The following STAC3 variants were observed in gnomAD, a reference collection of about 807,000 sequenced individuals.
STAC3 encodes SH3 and cysteine rich domain 3, also known as SH3 and cysteine-rich domain-containing protein 3.
A neutral mutation model predicts 48.5 loss-of-function variants in STAC3; 30 were observed. The ratio of observed to expected loss-of-function variants is 0.62; its 90% CI spans 0.46 to 0.84. The LOEUF (loss-of-function observed/expected upper bound fraction) is 0.84, where lower values mean the gene tolerates loss of function less well. Among genes scored for constraint, STAC3 ranks in the 40% least tolerant of loss-of-function variants. STAC3 has a pLI of 0.00. For synonymous variants in STAC3, 144 were observed against 158.6 expected, an observed-to-expected ratio of 0.91 and a Z score of 0.69; for missense variants, 419 against 462.6, an observed-to-expected ratio of 0.91 and a Z score of 0.86.
intron 5 of STAC3, among the ~76,000 whole-genome samples, chr12:57,247,428 ATTTTTTTT>A (rs367784960): frequency 8.7e-4 from 51 of 58,560 alleles, no homozygotes; most frequent in Admixed American, 4.4e-3. Context: ...TATTATTATT[ATTTTTTTT>A]TTTTTTTTTT....
chr12:57,250,415 A>T (rs1825304315), intron 1 of STAC3, among the ~76,000 whole-genome samples: 1 of 145,578 alleles, frequency 6.9e-6, no homozygotes. Context: ...AAAAAAAAAA[A>T]AGCCCAACAG....
intron 1 of STAC3, among the ~76,000 whole-genome samples, chr12:57,250,122 G>C (rs1339937639): frequency 1.3e-5 from 2 of 152,124 alleles, no homozygotes; most frequent in Non-Finnish European, 2.9e-5. Context: ...GGGTGTGGTG[G>C]TGCATGCCTG....
intron 5 of STAC3, among the ~76,000 whole-genome samples, chr12:57,247,428 A>ATTTTTTTTTTTTTTTTTT (rs367784960): frequency 1.7e-5 from 1 of 58,534 alleles, no homozygotes; most frequent in African/African-American, 5.6e-5. Flanking sequence ...TATTATTATT[A>ATTTTTTTTTTTTTTTTTT]TTTTTTTTTT....
At chr12:57,244,823 TAA>T (rs1265020717) in intron 8 of STAC3, 91 bp downstream of exon 8, 7 of 1,505,804 alleles carry the variant, frequency 4.6e-6, no homozygotes, top group Non-Finnish European at 6.5e-6. Context: ...GCCTAGGAGT[TAA>T]AGAGTGAGCT....
intron 8 of STAC3, 79 bp from the exon 9 acceptor site, chr12:57,244,701 C>A: frequency 6.5e-7 from 1 of 1,529,850 alleles, no homozygotes; most frequent in Non-Finnish European, 9.0e-7. Context: ...CAGGGACATT[C>A]ACCACACACT....
At chr12:57,249,342 A>C in intron 2 of STAC3, 34 bp from the exon 3 acceptor site, 1 of 1,545,718 alleles carries the variant, frequency 6.5e-7, no homozygotes, top group Non-Finnish European at 8.7e-7. Flanking sequence ...CCAATGTTAA[A>C]AGGACTTGTC....
chr12:57,243,873 A>G lies in STAC3; in HGVS notation c.1034T>C (p.Val345Ala). The change falls in exon 12 of 12, where the codon GTC becomes GCC. Residue 345 changes from valine to alanine, a missense_variant. Coordinates refer to ENST00000332782, the MANE Select transcript of STAC3 (RefSeq NM_145064.3). Reference sequence around the variant, plus strand: ...CACCTTGCGGCCGGTGTAGACCTTGACGTAGCCGCCCGCTTCGTCTCCTTT... The same window carrying G: ...CACCTTGCGGCCGGTGTAGACCTTGGCGTAGCCGCCCGCTTCGTCTCCTTT... Reference protein sequence around the residue: ...VQKGDEAGGYVKVYTGRKVGL... With the variant: ...VQKGDEAGGYAKVYTGRKVGL... 1 of 1,613,778 alleles carries G rather than the reference A, an allele frequency of 6.2e-7. No individual in the cohort carries two copies. The highest frequency in any genetic ancestry group is 8.5e-7 in the Non-Finnish European group (1 of 1,179,922).
chr12:57,248,183 G>C lies in STAC3; in HGVS notation c.448C>G (p.Arg150Gly), dbSNP rs754407055. 1 of 1,613,964 alleles carries C rather than the reference G, an allele frequency of 6.2e-7. No homozygotes were observed. Among genetic ancestry groups the C allele is most frequent in the Non-Finnish European group, 8.5e-7 (1 of 1,179,868 alleles). ...CFGKIPPGFHRAYSSPLYSNQ... is the reference protein window; with the variant it reads ...CFGKIPPGFHGAYSSPLYSNQ... ...CTGTAGAGTGGGGAACTATAGGCCC[G>C]ATGGAAACCAGGTGGCTGTAGGATG... The change falls in exon 5 of 12, where the codon CGG (arginine) becomes GGG (glycine). Residue 150 changes from arginine (R) to glycine (G), a missense_variant. Coordinates refer to ENST00000332782, the MANE Select transcript of STAC3 (RefSeq NM_145064.3).
intron 1 of STAC3, among the ~76,000 whole-genome samples, chr12:57,250,666 C>G (rs961605670): frequency 6.6e-6 from 1 of 152,188 alleles, no homozygotes; most frequent in African/African-American, 2.4e-5. Flanking sequence ...GAAGGATGGA[C>G]TGGAGACATT....
At chr12:57,246,682 G>T (rs1395934766) in intron 6 of STAC3, 122 bp downstream of exon 6, 1 of 903,450 alleles carries the variant, frequency 1.1e-6, no homozygotes. Flanking sequence ...CACCATGCCT[G>T]GCCGAGTTTT....
chr12:57,244,204 C>T lies in STAC3; in HGVS notation c.880G>A (p.Gly294Arg). ...WWRGKIGEKVGFFPPNFIIRV... is the reference protein window; with the variant it reads ...WWRGKIGEKVRFFPPNFIIRV... ...ATGATGAAGTTTGGAGGGAAAAATC[C>T]GACCTTCTCCCCGATTTTCCCCTAG... Residue 294 changes from glycine (G) to arginine (R), a missense_variant, in exon 11 of 12, where the codon GGA becomes AGA. Physicochemically the swap from Gly to Arg is moderately radical, Grantham distance 125. Coordinates refer to ENST00000332782, the MANE Select transcript of STAC3 (RefSeq NM_145064.3). 1 of 1,614,166 alleles carries T rather than the reference C, an allele frequency of 6.2e-7. No individual in the cohort carries two copies. Among genetic ancestry groups the T allele is most frequent in the Non-Finnish European group, 8.5e-7 (1 of 1,180,034 alleles).
Position 57,249,087 on chromosome 12 carries a change from G to T in STAC3, c.288C>A (p.Phe96Leu), listed in dbSNP as rs1456586694. 6.2e-7 allele frequency: 1 copy of T among 1,611,016 alleles called. No individual in the cohort carries two copies. Among genetic ancestry groups the T allele is most frequent in the Non-Finnish European group, 8.5e-7 (1 of 1,178,284 alleles). Residue 96 changes from phenylalanine to leucine, a missense_variant, in exon 3 of 12, where the codon TTC (phenylalanine) becomes TTA (leucine). Physicochemically the swap from Phe to Leu is conservative, Grantham distance 22. Coordinates refer to ENST00000332782, the MANE Select transcript of STAC3 (RefSeq NM_145064.3). ...NDKPHKFKDH[F>L]FKKPKFCDVC... ...CATCACAGAACTTTGGCTTCTTGAA[G>T]AAGTGATCTTTGAATTTGTGGGGCT... is the stretch of plus-strand genomic sequence containing the variant.
intron 2 of STAC3, 64 bp from the exon 3 acceptor site, chr12:57,249,372 G>A (rs2037845571): frequency 1.3e-6 from 2 of 1,524,908 alleles, no homozygotes; most frequent in Non-Finnish European, 8.8e-7. Context: ...AGAGTAGGGG[G>A]GCGCTAGAGC....
chr12:57,244,706 C>T, intron 8 of STAC3, 84 bp from the exon 9 acceptor site: 1 of 1,505,068 alleles, frequency 6.6e-7, no homozygotes, highest in East Asian at 2.3e-5. Flanking sequence ...ACATTCACCA[C>T]ACACTCTACA....
Position 57,248,185 on chromosome 12 carries a change from T to A in STAC3, c.446A>T (p.His149Leu), listed in dbSNP as rs1300902042. Reference sequence around the variant, plus strand: ...GTAGAGTGGGGAACTATAGGCCCGATGGAAACCAGGTGGCTGTAGGATGGG... The same window carrying A: ...GTAGAGTGGGGAACTATAGGCCCGAAGGAAACCAGGTGGCTGTAGGATGGG... The part of the protein sequence containing the change: ...RCFGKIPPGF[H>L]RAYSSPLYSN... Residue 149 changes from histidine to leucine, a missense_variant, in exon 5 of 12, where the codon CAT (histidine) becomes CTT (leucine). Physicochemically the swap from His to Leu is moderately conservative, Grantham distance 99 (BLOSUM62 -3). Transcript: ENST00000332782. 1 of 1,613,946 alleles carries A rather than the reference T, an allele frequency of 6.2e-7. No homozygotes were observed. Among genetic ancestry groups the A allele is most frequent in the Non-Finnish European group, 8.5e-7 (1 of 1,179,878 alleles).
chr12:57,249,064 T>G lies in STAC3; in HGVS notation c.311A>C (p.Asp104Ala), dbSNP rs1250624461. 1 of 1,603,680 alleles carries G rather than the reference T, an allele frequency of 6.2e-7. No individual in the cohort carries two copies. Among genetic ancestry groups the G allele is most frequent in the Non-Finnish European group, 8.5e-7 (1 of 1,174,500 alleles). The change falls in exon 3 of 12, where the codon GAT (aspartate) becomes GCT (alanine). Residue 104 changes from aspartate (D) to alanine (A), a missense_variant. Transcript: ENST00000332782. The stretch of plus-strand genomic sequence containing the variant: ...ACGAACAATCATCCGGGCACAGACA[T>G]CACAGAACTTTGGCTTCTTGAAGAA... ...DHFFKKPKFC[D>A]VCARMIVLNN...
chr12:57,244,048 G>A lies in STAC3; in HGVS notation c.996+40C>T, dbSNP rs200082670. On this transcript the variant is annotated intron_variant, in intron 11 of 11. Transcript: ENST00000332782. The stretch of plus-strand genomic sequence containing the variant: ...TCTCCAAGGAGTGTGGTGGGCTAGG[G>A]AGCATTCAGGCCTGGGATTGGGTTG... 5 of 1,613,740 alleles carry A rather than the reference G, an allele frequency of 3.1e-6. No individual in the cohort carries two copies. In the African/African-American group the frequency reaches 5.3e-5, roughly 17 times the overall value.
At chr12:57,245,058 T>G (rs1006395954) in intron 7 of STAC3, 87 bp downstream of exon 7, 62 of 1,601,942 alleles carry the variant, frequency 3.9e-5, no homozygotes, top group Non-Finnish European at 5.3e-5. Flanking sequence ...TATCCAAAGC[T>G]GGCCTGCCCT....
Position 57,249,259 on chromosome 12 carries a change from T to TGTAGAAC in STAC3, c.115_116insGTTCTAC (p.Glu39GlyfsTer29). 1 of 1,613,444 alleles carries TGTAGAAC rather than the reference T, an allele frequency of 6.2e-7. No individual in the cohort carries two copies. Among genetic ancestry groups the TGTAGAAC allele is most frequent in the Non-Finnish European group, 8.5e-7 (1 of 1,179,712 alleles). ...CTGGGGCTCTGGGGGAAGTTCCATC[T>TGTAGAAC]CCTTTGTCCCTGTAGAACCCTTCCT... On this transcript the variant is annotated frameshift_variant, in exon 3 of 12. Coordinates refer to ENST00000332782, the MANE Select transcript of STAC3 (RefSeq NM_145064.3). LOFTEE classifies it high-confidence loss of function.
Sources: allele counts gnomAD v4.1 joint callset (sites outside exome capture counted in the v4.1 genomes callset), GRCh38; gene constraint gnomAD v4.1.1; transcripts MANE v1.5; gene names NCBI Gene and HGNC (gene_info 2026-07-23, HGNC 2026-07-21).